ELP3: variants seen among roughly 807,000 people sequenced by gnomAD.
ELP3 encodes elongator acetyltransferase complex subunit 3.
ELP3 carries 56 observed loss-of-function variants against 74.9 expected under a neutral mutation model. The ratio of observed to expected loss-of-function variants is 0.75; its 90% CI spans 0.60 to 0.93. The LOEUF is 0.93. Among genes scored for constraint, ELP3 ranks in the 40% least tolerant of loss-of-function variants. The pLI, the probability that ELP3 is intolerant of heterozygous loss-of-function variation, is 0.00. For synonymous variants in ELP3, 222 were observed against 239.8 expected, an observed-to-expected ratio of 0.93 and a Z score of 0.68; for missense variants, 573 against 686.5, an observed-to-expected ratio of 0.83 and a Z score of 1.85.
chr8:28,172,932 T>G (rs1814589832), intron 14 of ELP3, among the ~76,000 whole-genome samples: 1 of 152,044 alleles, frequency 6.6e-6, no homozygotes, highest in Non-Finnish European at 1.5e-5. Context: ...TTTTGGTTTA[T>G]TACATTGATT....
At chr8:28,129,402 C>T (rs1381800083) in intron 7 of ELP3, 100 bp from the exon 8 acceptor site, 1 of 1,251,496 alleles carries the variant, frequency 8.0e-7, no homozygotes, top group East Asian at 2.4e-5. Context: ...CACTCTTTAC[C>T]ACTATCTCAT....
At chr8:28,135,976 T>C (rs1449955171) in intron 9 of ELP3, among the ~76,000 whole-genome samples, 64 of 151,354 alleles carry the variant, frequency 4.2e-4, no homozygotes, top group Admixed American at 1.1e-3. Context: ...TTTTTTTTTT[T>C]CTTGAGATGG....
intron 9 of ELP3, among the ~76,000 whole-genome samples, chr8:28,134,054 A>G (rs1380513210): frequency 6.6e-6 from 1 of 152,190 alleles, no homozygotes; most frequent in East Asian, 1.9e-4. Context: ...GGCTGCACCC[A>G]TGAACTTGTC....
intron 14 of ELP3, among the ~76,000 whole-genome samples, chr8:28,175,512 T>G (rs1014694922): frequency 6.6e-6 from 1 of 152,230 alleles, no homozygotes; most frequent in Non-Finnish European, 1.5e-5. Context: ...TTTTTGATAG[T>G]ATCCCCTTGA....
intron 14 of ELP3, among the ~76,000 whole-genome samples, chr8:28,186,654 G>T (rs1815251711): frequency 6.6e-6 from 1 of 152,224 alleles, no homozygotes; most frequent in Non-Finnish European, 1.5e-5. Context: ...TCTTGCAGGT[G>T]GGGACTTTCT....
intron 14 of ELP3, among the ~76,000 whole-genome samples, chr8:28,187,219 C>T (rs1815276094): frequency 6.6e-6 from 1 of 152,154 alleles, no homozygotes; most frequent in Admixed American, 6.5e-5. Context: ...TACTTTTCAC[C>T]ACTGTGACTC....
intron 10 of ELP3, among the ~76,000 whole-genome samples, chr8:28,149,241 G>T (rs1160676942): frequency 6.6e-6 from 1 of 152,226 alleles, no homozygotes; most frequent in African/African-American, 2.4e-5. Context: ...TATTAAGGAT[G>T]CTGGCCTCAC....
At chr8:28,168,100 A>G (rs1051313533) in intron 14 of ELP3, among the ~76,000 whole-genome samples, 1 of 152,222 alleles carries the variant, frequency 6.6e-6, no homozygotes, top group Admixed American at 6.5e-5. Flanking sequence ...ACTCATTTGA[A>G]GGTGAATCAG....
chr8:28,113,233 GTA>G, intron 7 of ELP3, 60 bp downstream of exon 7: 1 of 1,444,906 alleles, frequency 6.9e-7, no homozygotes, highest in East Asian at 2.4e-5. Flanking sequence ...GCTCCTAGCA[GTA>G]GTCTACGAGA....
In ELP3 at chr8:28,132,350, T is replaced by C. The variant is rs550236608; in HGVS notation, c.852T>C (p.His284=). The change falls in exon 9 of 15, where the codon CAT becomes CAC. Residue 284 remains histidine (H), a synonymous_variant. Coordinates refer to ENST00000256398, the MANE Select transcript of ELP3 (RefSeq NM_018091.6). ...ATTCCGGTTTTAAAGTGGTGGCCCATATGATGCCTGACCTGCCAAACGTGG... is the reference window on the plus strand; with the variant it reads ...ATTCCGGTTTTAAAGTGGTGGCCCACATGATGCCTGACCTGCCAAACGTGG... ...AKDSGFKVVA[H]MMPDLPNVGL... The C allele has an allele frequency of 6.2e-7, 1 of 1,614,118 alleles. No homozygotes were observed. Among genetic ancestry groups the C allele is most frequent in the African/African-American group, 1.3e-5 (1 of 75,032 alleles).
chr8:28,145,811 A>C (rs1167821524), intron 10 of ELP3, among the ~76,000 whole-genome samples: 1 of 152,084 alleles, frequency 6.6e-6, no homozygotes, highest in East Asian at 1.9e-4. Context: ...TTTAGTAGAG[A>C]CGGGGTTTCG....
intron 14 of ELP3, among the ~76,000 whole-genome samples, chr8:28,177,772 C>T (rs1417123593): frequency 6.6e-6 from 1 of 152,186 alleles, no homozygotes; most frequent in Non-Finnish European, 1.5e-5. Flanking sequence ...CTGCTTCAGA[C>T]ATGAAAACAT....
chr8:28,119,572 TTATATATATATATATATATATA>T lies in ELP3; in HGVS notation c.617+6435_617+6456del, dbSNP rs72105276. Among the ~76,000 whole-genome samples the T allele has an allele frequency of 8.8e-3, 413 of 46,768 alleles. 12 individuals are homozygous for T. The highest frequency in any genetic ancestry group is 0.022 in the Middle Eastern group (1 of 46). The allele number at this position is 46,768 out of a possible 152,430, so 30.7% of individuals were successfully genotyped here. A position where few individuals can be genotyped will look rare whatever the true frequency, so the allele number is the denominator to read the frequency against. Reference sequence around the variant, plus strand: ...ACAGTACAAAACAACTTGTGGCGTTTTATATATATATATATATATATATATATATATATATATATATATATAT... The same window carrying T: ...ACAGTACAAAACAACTTGTGGCGTTTTATATATATATATATATATATATAT... On this transcript the variant is annotated intron_variant, in intron 7 of 14. Coordinates refer to ENST00000256398, the MANE Select transcript of ELP3 (RefSeq NM_018091.6).
intron 10 of ELP3, among the ~76,000 whole-genome samples, chr8:28,154,281 A>C: frequency 6.6e-6 from 1 of 152,166 alleles, no homozygotes; most frequent in East Asian, 1.9e-4. Flanking sequence ...GCTCACAGGA[A>C]CCTAACCCTG....
chr8:28,100,028 C>T (rs1260876744), intron 3 of ELP3, 62 bp downstream of exon 3: 1 of 1,605,414 alleles, frequency 6.2e-7, no homozygotes, highest in Non-Finnish European at 8.5e-7. Context: ...GAAGTCCCTG[C>T]TCCATGTGAC....
rs1452620471 is a variant in ELP3 at position 28,161,998 on chromosome 8, G to A, written c.1487G>A (p.Gly496Glu). The change falls in exon 14 of 15, where the codon GGA becomes GAA. Residue 496 changes from glycine to glutamate, a missense_variant and splice_region_variant. Physicochemically the swap from Gly to Glu is moderately conservative, Grantham distance 98. Coordinates refer to ENST00000256398, the MANE Select transcript of ELP3 (RefSeq NM_018091.6). ...ACTCCCCATTGTTGCTCCGTGCAGGGATTTGGCATGCTGCTGATGGAGGAA... is the reference window on the plus strand; with the variant it reads ...ACTCCCCATTGTTGCTCCGTGCAGGAATTTGGCATGCTGCTGATGGAGGAA... ...SRDPTKFQHQGFGMLLMEEAE... is the reference protein window; with the variant it reads ...SRDPTKFQHQEFGMLLMEEAE... 1 of 1,614,108 alleles carries A rather than the reference G, an allele frequency of 6.2e-7. No homozygotes were observed. The highest frequency in any genetic ancestry group is 8.5e-7 in the Non-Finnish European group (1 of 1,179,988).
chr8:28,188,100 A>ACG (rs1815312563), intron 14 of ELP3, among the ~76,000 whole-genome samples: 1 of 151,998 alleles, frequency 6.6e-6, no homozygotes, highest in South Asian at 2.1e-4. Flanking sequence ...GGAGGGAAGG[A>ACG]CGGAGGGAGT....
chr8:28,107,104 C>T (rs977527933), intron 4 of ELP3, among the ~76,000 whole-genome samples: 4 of 152,076 alleles, frequency 2.6e-5, no homozygotes, highest in African/African-American at 7.2e-5. Context: ...AAAAATTAGC[C>T]GAGCGTGGTG....
intron 3 of ELP3, among the ~76,000 whole-genome samples, chr8:28,102,641 T>C (rs117284905): frequency 1.3e-5 from 2 of 152,204 alleles, no homozygotes; most frequent in East Asian, 1.9e-4. Context: ...GAAAAAAAAT[T>C]TATACACTTC....
Sources: allele counts gnomAD v4.1 joint callset (sites outside exome capture counted in the v4.1 genomes callset), GRCh38; gene constraint gnomAD v4.1.1; transcripts MANE v1.5; gene names NCBI Gene and HGNC (gene_info 2026-07-23, HGNC 2026-07-21).